The following SEC14L1 variants were observed in gnomAD, a reference collection of about 807,000 sequenced individuals.
The protein encoded by SEC14L1 is SEC14 like lipid binding 1, also known as SEC14-like protein 1.
Under a neutral mutation model 85.3 loss-of-function variants are expected in SEC14L1, and 48 were observed. The ratio of observed to expected loss-of-function variants is 0.56; its 90% CI spans 0.45 to 0.72. SEC14L1 has a LOEUF of 0.72. Among genes scored for constraint, SEC14L1 ranks in the 30% least tolerant of loss-of-function variants. The pLI, the probability that SEC14L1 is intolerant of heterozygous loss-of-function variation, is 0.00. For synonymous variants in SEC14L1, 391 were observed against 355.5 expected (o/e 1.10, Z -1.12); for missense variants, 682 against 921.4 (o/e 0.74, Z 3.36).
chr17:77,211,489 C>T lies in SEC14L1; in HGVS notation c.1612-461C>T, dbSNP rs187066693. The T allele has an allele frequency of 1.6e-3, 266 of 169,854 alleles. 2 individuals are homozygous for T. The highest frequency in any genetic ancestry group is 6.2e-3 in the African/African-American group (259 of 41,846). 10.5% of individuals were successfully genotyped at this position (169,854 alleles called of 1,614,324 possible). Reference sequence around the variant, plus strand: ...CCACTGTTCTCTCGTGTGAGCCTCACACGGCAGGCCCGGTTCCATGCCCCT... The same window carrying T: ...CCACTGTTCTCTCGTGTGAGCCTCATACGGCAGGCCCGGTTCCATGCCCCT... On this transcript the variant is annotated intron_variant, in intron 14 of 16. Transcript: ENST00000436233.
At chr17:77,180,000 ATTTTGTTTTG>A (rs1012618456) in intron 3 of SEC14L1, among the ~76,000 whole-genome samples, 6 of 134,558 alleles carry the variant, frequency 4.5e-5, no homozygotes, top group African/African-American at 8.4e-5. Context: ...TTAGGTTTTT[ATTTTGTTTTG>A]TTTTGTTTTG....
At chr17:77,139,160 A>ATTT (rs749541191), upstream of SEC14L1, among the ~76,000 whole-genome samples, 6 of 120,164 alleles carry the variant, frequency 5.0e-5, no homozygotes, top group African/African-American at 1.6e-4. Flanking sequence ...GGTCAGGTGA[A>ATTT]TTTTTTTTTT....
chr17:77,112,581 G>GT (rs1972070886), intron 3 of SEC14L1, among the ~76,000 whole-genome samples: 1 of 152,126 alleles, frequency 6.6e-6, no homozygotes, highest in African/African-American at 2.4e-5. Context: ...CAGTTACAAA[G>GT]ATGAATTGAA....
chr17:77,096,016 T>G (rs921767983), intron 3 of SEC14L1, among the ~76,000 whole-genome samples: 5 of 151,188 alleles, frequency 3.3e-5, no homozygotes, highest in African/African-American at 1.2e-4. Flanking sequence ...GCCTTGGCTG[T>G]CTCCTGCTGT....
At chr17:77,145,643 A>G (rs1395387710) in intron 3 of SEC14L1, among the ~76,000 whole-genome samples, 1 of 152,224 alleles carries the variant, frequency 6.6e-6, no homozygotes, top group Non-Finnish European at 1.5e-5. Flanking sequence ...TGTATGAGGC[A>G]AAGACCCACT....
At chr17:77,180,686 A>G (rs1315603967) in intron 3 of SEC14L1, among the ~76,000 whole-genome samples, 2 of 152,154 alleles carry the variant, frequency 1.3e-5, no homozygotes, top group Non-Finnish European at 2.9e-5. Context: ...GCCATGTACC[A>G]TTGTGAGTTT....
intron 3 of SEC14L1, among the ~76,000 whole-genome samples, chr17:77,162,325 T>C (rs1974102837): frequency 6.6e-6 from 1 of 152,166 alleles, no homozygotes; most frequent in Non-Finnish European, 1.5e-5. Context: ...TCAAGTATTT[T>C]TAAATATGGG....
At chr17:77,141,207 C>G (rs1265077969) in intron 1 of SEC14L1, 100 bp downstream of exon 1, 2 of 151,814 alleles carry the variant, frequency 1.3e-5, no homozygotes, top group South Asian at 2.1e-4. Context: ...AACTCCCGGC[C>G]GCCCGCTTGC....
At chr17:77,136,340 C>A (rs1972799121), upstream of SEC14L1, among the ~76,000 whole-genome samples, 1 of 131,952 alleles carries the variant, frequency 7.6e-6, no homozygotes, top group Non-Finnish European at 1.7e-5. Flanking sequence ...TCCCTCCCTT[C>A]CTTCCTTTCT....
intron 3 of SEC14L1, among the ~76,000 whole-genome samples, chr17:77,159,880 T>C (rs1973987046): frequency 6.6e-6 from 1 of 152,168 alleles, no homozygotes; most frequent in Non-Finnish European, 1.5e-5. Flanking sequence ...CCCACTTAAA[T>C]AAAAGGGTGA....
chr17:77,112,062 A>T (rs1972060869), intron 3 of SEC14L1, among the ~76,000 whole-genome samples: 1 of 152,166 alleles, frequency 6.6e-6, no homozygotes, highest in Admixed American at 6.5e-5. Flanking sequence ...AGTTACTGCC[A>T]GGCTGTTCTC....
intron 3 of SEC14L1, among the ~76,000 whole-genome samples, chr17:77,102,662 C>T (rs1463260881): frequency 6.6e-6 from 1 of 152,002 alleles, no homozygotes; most frequent in Admixed American, 6.6e-5. Context: ...TGCCACCACA[C>T]CGAGCTAATT....
intron 3 of SEC14L1, among the ~76,000 whole-genome samples, chr17:77,126,550 A>G (rs993164554): frequency 6.6e-6 from 1 of 152,220 alleles, no homozygotes; most frequent in Admixed American, 6.5e-5. Flanking sequence ...TGCCAGAATC[A>G]TAGCGGTTCC....
intron 3 of SEC14L1, among the ~76,000 whole-genome samples, chr17:77,166,011 G>T (rs1052490319): frequency 5.9e-5 from 9 of 152,328 alleles, no homozygotes; most frequent in African/African-American, 1.9e-4. Flanking sequence ...CCTGGACTGT[G>T]GGCCTGACAG....
intron 3 of SEC14L1, among the ~76,000 whole-genome samples, chr17:77,151,712 A>T (rs1041538623): frequency 4.4e-4 from 67 of 152,206 alleles, no homozygotes; most frequent in Admixed American, 4.4e-3. Flanking sequence ...TGTTACCAGC[A>T]TCTTGCCGGG....
chr17:77,180,497 T>C (rs538703486), intron 3 of SEC14L1, among the ~76,000 whole-genome samples: 3 of 152,352 alleles, frequency 2.0e-5, no homozygotes, highest in Non-Finnish European at 4.4e-5. Flanking sequence ...TGGCTCACTG[T>C]AGCCTCCATC....
At chr17:77,161,142 C>T (rs774149936) in intron 3 of SEC14L1, among the ~76,000 whole-genome samples, 1 of 152,162 alleles carries the variant, frequency 6.6e-6, no homozygotes, top group African/African-American at 2.4e-5. Context: ...ATTGTATGAG[C>T]TTTTTTGTTT....
At chr17:77,097,111 T>A (rs926595726) in intron 3 of SEC14L1, among the ~76,000 whole-genome samples, 1 of 152,358 alleles carries the variant, frequency 6.6e-6, no homozygotes. Context: ...AAAGATTTTC[T>A]TTGTAAGGAA....
intron 3 of SEC14L1, among the ~76,000 whole-genome samples, chr17:77,117,846 C>G (rs1341770456): frequency 6.6e-6 from 1 of 152,146 alleles, no homozygotes; most frequent in Non-Finnish European, 1.5e-5. Context: ...ATGATTTGGC[C>G]TTTTGCAGTG....
Sources: allele counts gnomAD v4.1 joint callset (sites outside exome capture counted in the v4.1 genomes callset), GRCh38; gene constraint gnomAD v4.1.1; transcripts MANE v1.5; gene names NCBI Gene and HGNC (gene_info 2026-07-23, HGNC 2026-07-21).